Variants in ARID5B observed in about 807,000 individuals in gnomAD.
ARID5B encodes AT-rich interaction domain 5B.
A neutral mutation model predicts 97.2 loss-of-function variants in ARID5B; 13 were observed. That is an observed-to-expected ratio of 0.13 (90% CI 0.09 to 0.21). The LOEUF (loss-of-function observed/expected upper bound fraction) is 0.21. Among genes scored for constraint, ARID5B ranks in the 10% least tolerant of loss-of-function variants. The pLI is 1.00. For synonymous variants in ARID5B, 556 were observed against 570.3 expected, an observed-to-expected ratio of 0.97 and a Z score of 0.36; for missense variants, 1,210 against 1,465.3, an observed-to-expected ratio of 0.83 and a Z score of 2.84.
chr10:62,002,078 T>C (rs967773697), intron 4 of ARID5B, among the ~76,000 whole-genome samples: 1 of 152,204 alleles, frequency 6.6e-6, no homozygotes, highest in African/African-American at 2.4e-5. Flanking sequence ...ACTGAAAGCA[T>C]GTGTTCCCTC....
intron 2 of ARID5B, among the ~76,000 whole-genome samples, chr10:61,933,996 T>G (rs1437243994): frequency 6.6e-6 from 1 of 152,254 alleles, no homozygotes; most frequent in African/African-American, 2.4e-5. Context: ...GAAAATCTGT[T>G]GTTTAGTGTA....
chr10:61,992,112 C>T (rs1838934062), intron 3 of ARID5B, among the ~76,000 whole-genome samples: 1 of 152,080 alleles, frequency 6.6e-6, no homozygotes. Flanking sequence ...TAAGTCAGGC[C>T]CCATAGAATA....
intron 3 of ARID5B, among the ~76,000 whole-genome samples, chr10:61,957,323 C>G (rs1279876151): frequency 2.6e-5 from 4 of 152,132 alleles, no homozygotes; most frequent in Non-Finnish European, 2.9e-5. Flanking sequence ...GGCTGGAGTG[C>G]AGTGGTGCGA....
At chr10:61,996,897 T>A (rs577291727) in intron 3 of ARID5B, among the ~76,000 whole-genome samples, 2,030 of 135,568 alleles carry the variant, frequency 0.015, 39 homozygotes, top group African/African-American at 0.045. Context: ...AAAAAAAAAA[T>A]ATATATATAT....
intron 2 of ARID5B, among the ~76,000 whole-genome samples, chr10:61,916,214 C>T (rs1843901213): frequency 6.6e-6 from 1 of 152,194 alleles, no homozygotes; most frequent in African/African-American, 2.4e-5. Context: ...CCACCCCACC[C>T]AGCTAATTTT....
At chr10:61,914,620 C>T (rs1006000861) in intron 2 of ARID5B, among the ~76,000 whole-genome samples, 4 of 152,126 alleles carry the variant, frequency 2.6e-5, no homozygotes, top group Admixed American at 2.0e-4. Flanking sequence ...TTCTCTTTCC[C>T]GAAACCATCT....
At chr10:62,024,675 G>A (rs1201414658) in intron 4 of ARID5B, 1 of 396,214 alleles carries the variant, frequency 2.5e-6, no homozygotes, top group Admixed American at 4.4e-5. Flanking sequence ...TCTTTCGGGA[G>A]GCAGATTAAC....
At position 61,922,755 on chromosome 10, in the gene ARID5B, G is replaced by A. The variant is rs80202813; in HGVS notation, c.277-17428G>A. ...TCATGAGTGTATCTACAAGAGGTGA[G>A]CATCTCCTGGCCCTCCTTCCATGTT... On this transcript the variant is annotated intron_variant, in intron 2 of 9. Coordinates refer to ENST00000279873, the MANE Select transcript of ARID5B (RefSeq NM_032199.3). Among the ~76,000 whole-genome samples, 3 of 152,338 alleles carry A rather than the reference G, an allele frequency of 2.0e-5. No homozygotes were observed. The East Asian group carries it at 5.8e-4, about 29-fold the overall frequency.
chr10:61,918,478 C>T (rs565152892), intron 2 of ARID5B, among the ~76,000 whole-genome samples: 40 of 152,260 alleles, frequency 2.6e-4, no homozygotes, highest in African/African-American at 9.6e-4. Flanking sequence ...GGACCACATC[C>T]TAAGTTTTGA....
Position 61,902,192 on chromosome 10 carries a change from T to TA in ARID5B, c.56dup (p.Tyr19Ter). The change falls in exon 2 of 10, where the codon TAC becomes TAAC. Residue 19 changes from tyrosine (Y) to a stop codon, truncating the protein, a stop_gained and frameshift_variant. Coordinates refer to ENST00000279873, the MANE Select transcript of ARID5B (RefSeq NM_032199.3). LOFTEE classifies it high-confidence loss of function. Reference protein sequence around the residue: ...VGSPCGLHGPYIFYKAFQFHL... With the variant: ...VGSPCGLHGP ...CTCACCGTGTGGCTTGCACGGACCT[T>TA]ACATTTTCTACAAGGCTTTTCAATT... 6.2e-7 allele frequency: 1 copy of TA among 1,613,386 alleles called. No individual in the cohort carries two copies. Among genetic ancestry groups the TA allele is most frequent in the Non-Finnish European group, 8.5e-7 (1 of 1,180,022 alleles).
intron 3 of ARID5B, among the ~76,000 whole-genome samples, chr10:61,988,031 T>C (rs1472279809): frequency 6.6e-6 from 1 of 152,232 alleles, no homozygotes; most frequent in Non-Finnish European, 1.5e-5. Flanking sequence ...ATCCTCCTCC[T>C]GTCTTACATC....
intron 2 of ARID5B, among the ~76,000 whole-genome samples, chr10:61,935,035 A>G (rs1414055124): frequency 1.3e-5 from 2 of 151,854 alleles, no homozygotes; most frequent in Non-Finnish European, 2.9e-5. Flanking sequence ...AAAAGATTAC[A>G]GATCAACATA....
In ARID5B at chr10:62,019,757, T is replaced by A. The variant is rs567901828; in HGVS notation, c.733+19436T>A. Among the ~76,000 whole-genome samples, 258 of 152,322 alleles carry A rather than the reference T, an allele frequency of 1.7e-3. 1 individual carries two copies. Among genetic ancestry groups the A allele is most frequent in the African/African-American group, 5.9e-3 (246 of 41,572 alleles). On this transcript the variant is annotated intron_variant, in intron 4 of 9. Transcript: ENST00000279873. ...GTGTCCCAACCATTTAGGAGCTTGT[T>A]TCAGCCTTCCATCATACACTTTTAG...
At chr10:62,064,329 C>CA (rs1450412823) in intron 7 of ARID5B, among the ~76,000 whole-genome samples, 1 of 152,196 alleles carries the variant, frequency 6.6e-6, no homozygotes, top group Non-Finnish European at 1.5e-5. Context: ...TCCTTGAATT[C>CA]AGTCCACCCT....
chr10:62,030,930 C>A (rs747033227), intron 4 of ARID5B, among the ~76,000 whole-genome samples: 3 of 152,148 alleles, frequency 2.0e-5, no homozygotes, highest in Non-Finnish European at 4.4e-5. Context: ...AAGGGCTATG[C>A]ATCTTTAAGA....
intron 2 of ARID5B, among the ~76,000 whole-genome samples, chr10:61,917,565 T>A (rs1331146558): frequency 6.6e-6 from 1 of 152,138 alleles, no homozygotes; most frequent in African/African-American, 2.4e-5. Context: ...CCTGGCCCAA[T>A]CCAATTTTTA....
chr10:61,959,537 A>G (rs1838440794), intron 3 of ARID5B, among the ~76,000 whole-genome samples: 1 of 152,172 alleles, frequency 6.6e-6, no homozygotes, highest in African/African-American at 2.4e-5. Context: ...CTTAATTAAG[A>G]ACTGATGGAT....
At chr10:62,045,859 G>T (rs1024338435) in intron 4 of ARID5B, among the ~76,000 whole-genome samples, 1 of 152,204 alleles carries the variant, frequency 6.6e-6, no homozygotes. Flanking sequence ...CTAATACTGT[G>T]ATCAGTGGAG....
chr10:61,962,412 ACTCCT>A (rs1403841075), intron 3 of ARID5B, among the ~76,000 whole-genome samples: 4 of 151,990 alleles, frequency 2.6e-5, no homozygotes, highest in African/African-American at 7.2e-5. Context: ...CATCATCCAT[ACTCCT>A]CTCCTAATCA....
Sources: gnomAD v4.1 joint callset for allele counts (sites outside exome capture counted in the v4.1 genomes callset) on GRCh38, gnomAD v4.1.1 for gene constraint, MANE v1.5 for transcripts, NCBI Gene and HGNC (gene_info 2026-07-23, HGNC 2026-07-21) for gene names.